The following PPM1L variants were observed in gnomAD, a reference collection of about 807,000 sequenced individuals.
PPM1L encodes protein phosphatase, Mg2+/Mn2+ dependent 1L.
A neutral mutation model predicts 31.4 loss-of-function variants in PPM1L; 13 were observed. The ratio of observed to expected loss-of-function variants is 0.41; its 90% CI spans 0.27 to 0.66. The LOEUF is 0.66. Among genes scored for constraint, PPM1L ranks in the 30% least tolerant of loss-of-function variants. PPM1L has a pLI of 0.29. For synonymous variants in PPM1L, 184 were observed against 175.4 expected (o/e 1.05, Z -0.39); for missense variants, 326 against 453.7 (o/e 0.72, Z 2.56).
At chr3:160,867,108 GGGA>G (rs1712119050) in intron 1 of PPM1L, among the ~76,000 whole-genome samples, 1 of 152,196 alleles carries the variant, frequency 6.6e-6, no homozygotes, top group African/African-American at 2.4e-5. Context: ...CCAAAGTGCT[GGGA>G]GCCTGTATAT....
At chr3:161,036,182 C>T (rs1296340134) in intron 2 of PPM1L, 2 of 152,204 alleles carry the variant, frequency 1.3e-5, no homozygotes, top group Non-Finnish European at 2.9e-5. Context: ...TAATCACTAA[C>T]TTCACAGATC....
chr3:160,971,681 TTTC>T (rs1197145103), intron 2 of PPM1L, among the ~76,000 whole-genome samples: 1 of 152,220 alleles, frequency 6.6e-6, no homozygotes, highest in Non-Finnish European at 1.5e-5. Flanking sequence ...AATGCCTTGT[TTTC>T]TTCTTTGCTT....
intron 1 of PPM1L, among the ~76,000 whole-genome samples, chr3:160,906,341 C>G (rs146588605): frequency 6.6e-6 from 1 of 152,102 alleles, no homozygotes; most frequent in Non-Finnish European, 1.5e-5. Context: ...CAGTGGCTCA[C>G]GCCTGTAATC....
chr3:160,952,374 G>A (rs796145787), intron 1 of PPM1L, among the ~76,000 whole-genome samples: 1 of 152,200 alleles, frequency 6.6e-6, no homozygotes, highest in Non-Finnish European at 1.5e-5. Flanking sequence ...CTTTTCAAGG[G>A]CAGGGAAACC....
intron 1 of PPM1L, among the ~76,000 whole-genome samples, chr3:160,887,727 C>T (rs891541772): frequency 4.0e-5 from 6 of 151,896 alleles, no homozygotes; most frequent in South Asian, 4.2e-4. Flanking sequence ...ACTATAGGCA[C>T]CCACCACCAT....
intron 2 of PPM1L, among the ~76,000 whole-genome samples, chr3:161,021,147 T>C (rs1423459032): frequency 2.0e-5 from 3 of 152,026 alleles, no homozygotes; most frequent in Admixed American, 6.5e-5. Context: ...AGGTTTTTTA[T>C]TTGAGAGCTT....
At chr3:160,916,883 TAAAAGTAAC>T (rs1714204308) in intron 1 of PPM1L, among the ~76,000 whole-genome samples, 1 of 152,222 alleles carries the variant, frequency 6.6e-6, no homozygotes, top group Non-Finnish European at 1.5e-5. Context: ...ACCACCAATT[TAAAAGTAAC>T]TTAGAAACAA....
chr3:160,945,125 C>T (rs62280307), intron 1 of PPM1L, among the ~76,000 whole-genome samples: 53 of 21,752 alleles, frequency 2.4e-3, no homozygotes, highest in Middle Eastern at 0.038. Context: ...ATCTATCTAT[C>T]TATCTATCTA....
In PPM1L at chr3:161,070,773, C is replaced by T. The variant is rs1258435032; in HGVS notation, c.*1616C>T. The stretch of plus-strand genomic sequence containing the variant: ...TCGCCGTGGAACCCTGCCCTCTCCC[C>T]TCCTGCTGCTGTAGAGTTTTCCCAA... On this transcript the variant is annotated 3_prime_UTR_variant, in exon 4 of 4. Transcript: ENST00000498165. 1 of 152,212 alleles carries T rather than the reference C, an allele frequency of 6.6e-6. No homozygotes were observed. Among genetic ancestry groups the T allele is most frequent in the Non-Finnish European group, 1.5e-5 (1 of 68,068 alleles). The allele number at this position is 152,212 out of a possible 1,614,324, so 9.4% of individuals were successfully genotyped here.
chr3:161,065,657 T>C (rs6763838), intron 3 of PPM1L, 93 bp downstream of exon 3: 247,625 of 1,236,416 alleles, frequency 0.2, 26,639 homozygotes, highest in Admixed American at 0.3. Context: ...TGTCCAGTTA[T>C]GCAGTATTAG....
intron 2 of PPM1L, among the ~76,000 whole-genome samples, chr3:161,032,806 C>A (rs1449337685): frequency 6.6e-6 from 1 of 151,678 alleles, no homozygotes; most frequent in Non-Finnish European, 1.5e-5. Flanking sequence ...GATTCTCCTG[C>A]CTCAGCCTCC....
In PPM1L at chr3:161,022,086, A is replaced by G. The variant is rs565756750; in HGVS notation, c.575-43317A>G. Reference sequence around the variant, plus strand: ...ATGTATTTTGTTCCTTTATCACTCCATTATTGCATACTTTTGTGTAGCTAG... The same window carrying G: ...ATGTATTTTGTTCCTTTATCACTCCGTTATTGCATACTTTTGTGTAGCTAG... On this transcript the variant is annotated intron_variant, in intron 2 of 3. Transcript: ENST00000498165. The G allele has an allele frequency of 1.0e-3, 630 of 629,736 alleles. 14 individuals carry two copies. In the South Asian group the frequency reaches 0.011, roughly 11 times the overall value. 39.0% of individuals were successfully genotyped at this position (629,736 alleles called of 1,614,324 possible).
chr3:160,823,088 T>G (rs970549076), intron 1 of PPM1L, among the ~76,000 whole-genome samples: 4 of 152,068 alleles, frequency 2.6e-5, no homozygotes, highest in African/African-American at 7.2e-5. Context: ...AAAAGAAGCC[T>G]GCTTTACATA....
At chr3:160,950,324 C>CTA (rs1715542144) in intron 1 of PPM1L, among the ~76,000 whole-genome samples, 1 of 152,080 alleles carries the variant, frequency 6.6e-6, no homozygotes, top group South Asian at 2.1e-4. Context: ...AAGATTGAAG[C>CTA]TATAATGATA....
chr3:160,808,383 CTGTGTGTGTGTGTGTGTGTGTGTG>C (rs71912617), intron 1 of PPM1L, among the ~76,000 whole-genome samples: 2 of 110,310 alleles, frequency 1.8e-5, no homozygotes, highest in Non-Finnish European at 3.9e-5. Context: ...CAGGATTTTC[CTGTGTGTGTGTGTGTGTGTGTGTG>C]TGTGTGTGTG....
chr3:160,835,647 C>A (rs924242817), intron 1 of PPM1L, among the ~76,000 whole-genome samples: 2 of 152,106 alleles, frequency 1.3e-5, no homozygotes, highest in Non-Finnish European at 2.9e-5. Flanking sequence ...CTACCACAGA[C>A]TTCTCCTAAG....
chr3:161,065,483 G>A lies in PPM1L; in HGVS notation c.655G>A (p.Asp219Asn), dbSNP rs1719710585. The A allele has an allele frequency of 6.2e-7, 1 of 1,613,966 alleles. No homozygotes were observed. The highest frequency in any genetic ancestry group is 1.3e-5 in the African/African-American group (1 of 74,898). The change falls in exon 3 of 4, where the codon GAC (aspartate) becomes AAC (asparagine). Residue 219 changes from aspartate to asparagine, a missense_variant. Transcript: ENST00000498165. Reference sequence around the variant, plus strand: ...GGGTGACTCGCGCGGGGTCCTGTGTGACAAAGATGGGAACGCTATTCCTTT... The same window carrying A: ...GGGTGACTCGCGCGGGGTCCTGTGTAACAAAGATGGGAACGCTATTCCTTT... The part of the protein sequence containing the change: ...NVGDSRGVLC[D>N]KDGNAIPLSH...
intron 1 of PPM1L, among the ~76,000 whole-genome samples, chr3:160,761,839 A>C (rs1372906019): frequency 6.6e-6 from 1 of 152,126 alleles, no homozygotes. Flanking sequence ...AGAAGAAGAG[A>C]GCTTGTGGAG....
At chr3:160,819,001 G>T (rs1713078103) in intron 1 of PPM1L, among the ~76,000 whole-genome samples, 1 of 151,840 alleles carries the variant, frequency 6.6e-6, no homozygotes, top group East Asian at 1.9e-4. Flanking sequence ...TTTGGTATTT[G>T]GTCAAAAGTG....
Sources: allele counts gnomAD v4.1 joint callset (sites outside exome capture counted in the v4.1 genomes callset), GRCh38; gene constraint gnomAD v4.1.1; transcripts MANE v1.5; gene names NCBI Gene and HGNC (gene_info 2026-07-23, HGNC 2026-07-21).